The following PTK7 variants were observed in gnomAD, a reference collection of about 807,000 sequenced individuals.
The protein encoded by PTK7 is inactive tyrosine-protein kinase 7.
PTK7 carries 39 observed loss-of-function variants against 116.6 expected under a neutral mutation model. That is an observed-to-expected ratio of 0.33 (90% CI 0.26 to 0.44). The LOEUF (loss-of-function observed/expected upper bound fraction) is 0.44. Among genes scored for constraint, PTK7 ranks in the 20% least tolerant of loss-of-function variants. The pLI is 1.00. For synonymous variants in PTK7, 546 were observed against 563.6 expected (o/e 0.97, Z 0.44); for missense variants, 1,169 against 1,425.6 (o/e 0.82, Z 2.90).
intron 1 of PTK7, among the ~76,000 whole-genome samples, chr6:43,120,898 G>A (rs1484248239): frequency 2.0e-5 from 3 of 151,906 alleles, no homozygotes; most frequent in Non-Finnish European, 4.4e-5. Flanking sequence ...TTCATTCATT[G>A]CTACTTCCTA....
At chr6:43,121,431 A>G (rs1192099097) in intron 1 of PTK7, among the ~76,000 whole-genome samples, 1 of 152,194 alleles carries the variant, frequency 6.6e-6, no homozygotes, top group Non-Finnish European at 1.5e-5. Context: ...CCAGGATAGG[A>G]AAACTCAGCA....
chr6:43,131,257 A>G (rs1250162620), intron 5 of PTK7, among the ~76,000 whole-genome samples: 2 of 152,136 alleles, frequency 1.3e-5, no homozygotes, highest in Non-Finnish European at 2.9e-5. Context: ...CCCTGAGGAC[A>G]TCATCAGTAG....
rs1479182459 is a variant in PTK7 at position 43,143,573 on chromosome 6, TGCAGAA to T, written c.2209_2214del (p.Lys737_Gln738del). ...AAGAAGCGCTGCAAAGCCAAGCGGC[TGCAGAA>T]GCAGCCCGAGGGCGAGGAGCCAGAG... On this transcript the variant is annotated inframe_deletion, in exon 14 of 20. Coordinates refer to ENST00000230419, the MANE Select transcript of PTK7 (RefSeq NM_002821.5). This position sits in a 1 kb window ranked among gnomAD's most constrained non-coding sequence, Gnocchi z 4.2. 2 of 1,613,512 alleles carry T rather than the reference TGCAGAA, an allele frequency of 1.2e-6. No individual in the cohort carries two copies. Among genetic ancestry groups the T allele is most frequent in the South Asian group, 2.2e-5 (2 of 91,048 alleles).
At chr6:43,112,466 G>C (rs1768249386) in intron 1 of PTK7, among the ~76,000 whole-genome samples, 1 of 151,872 alleles carries the variant, frequency 6.6e-6, no homozygotes, top group African/African-American at 2.4e-5. Context: ...TCCTCCATCT[G>C]TCTGCCAGGG....
Position 43,144,468 on chromosome 6 carries a change from G to A in PTK7, c.2269G>A (p.Gly757Arg), listed in dbSNP as rs200622454. Residue 757 changes from glycine (G) to arginine (R), a missense_variant, in exon 15 of 20, where the codon GGG becomes AGG. Transcript: ENST00000230419. ...CTTCCCAGGTGGGCCTTTGCAGAAC[G>A]GGCAGCCCTCAGCAGAGATCCAAGA... Reference protein sequence around the residue: ...ECLNGGPLQNGQPSAEIQEEV... With the variant: ...ECLNGGPLQNRQPSAEIQEEV... 45 of 1,614,120 alleles carry A rather than the reference G, an allele frequency of 2.8e-5. No homozygotes were observed. The East Asian group carries it at 4.0e-4, about 14-fold the overall frequency.
At chr6:43,115,571 C>T (rs1055642504) in intron 1 of PTK7, among the ~76,000 whole-genome samples, 8 of 152,032 alleles carry the variant, frequency 5.3e-5, no homozygotes, top group Non-Finnish European at 1.2e-4. Flanking sequence ...CATTGTTACT[C>T]AGCATTTTCC....
rs949185313 is a variant in PTK7 at position 43,078,515 on chromosome 6, C to T, written c.79+1948C>T. On this transcript the variant is annotated intron_variant, in intron 1 of 19. Coordinates refer to ENST00000230419, the MANE Select transcript of PTK7 (RefSeq NM_002821.5). ...TCCTGGGACTCAACCCACCCCCAGA[C>T]GCATGACTTCAGGGGCAACGGTTTT... Among the ~76,000 whole-genome samples, 9 of 143,438 alleles carry T rather than the reference C, an allele frequency of 6.3e-5. 1 individual carries two copies. The highest frequency in any genetic ancestry group is 4.4e-4 in the South Asian group (2 of 4,582). 94.1% of individuals were successfully genotyped at this position (143,438 alleles called of 152,430 possible).
Position 43,129,322 on chromosome 6 carries a change from T to A in PTK7, c.367+58T>A, listed in dbSNP as rs1769511354. 5 of 1,585,938 alleles carry A rather than the reference T, an allele frequency of 3.2e-6. No homozygotes were observed. Among genetic ancestry groups the A allele is most frequent in the Non-Finnish European group, 4.3e-6 (5 of 1,159,268 alleles). On this transcript the variant is annotated intron_variant, in intron 2 of 19. Transcript: ENST00000230419. The surrounding 1 kb of genome is among the most constrained non-coding windows in gnomAD (Gnocchi z 4.5). ...TGTCAGACCCTCAATGACTGAGGCC[T>A]GGGGGATCCCTCCCTTACCTCAGCT...
At chr6:43,094,501 G>A (rs1293111595) in intron 1 of PTK7, among the ~76,000 whole-genome samples, 2 of 149,610 alleles carry the variant, frequency 1.3e-5, no homozygotes, top group African/African-American at 4.9e-5. Flanking sequence ...AGTCCGTCTC[G>A]TCGCCCAGGC....
intron 1 of PTK7, among the ~76,000 whole-genome samples, chr6:43,080,952 A>AT (rs1554145658): frequency 8.3e-6 from 1 of 119,874 alleles, no homozygotes; most frequent in African/African-American, 3.7e-5. Flanking sequence ...AAAAAAAAAA[A>AT]ATACACACAC....
At chr6:43,157,364 A>ATTTTTTTTTTT (rs1293389236) in intron 17 of PTK7, among the ~76,000 whole-genome samples, 1 of 54,362 alleles carries the variant, frequency 1.8e-5, no homozygotes, top group Non-Finnish European at 3.3e-5. Flanking sequence ...ATATATATAT[A>ATTTTTTTTTTT]TTTTTTTTTT....
intron 1 of PTK7, among the ~76,000 whole-genome samples, chr6:43,118,653 CTCTCTCTATATA>C (rs1226562139): frequency 5.4e-3 from 426 of 79,322 alleles, no homozygotes; most frequent in Middle Eastern, 0.012. Context: ...CTCTCTCTCT[CTCTCTCTATATA>C]TATATATATA....
At chr6:43,154,382 C>T (rs577061173) in intron 17 of PTK7, among the ~76,000 whole-genome samples, 2 of 152,086 alleles carry the variant, frequency 1.3e-5, no homozygotes, top group African/African-American at 4.8e-5. Flanking sequence ...GGGATAGTGC[C>T]TACTGTATAG....
At chr6:43,140,815 TAAAAA>T (rs1770355107) in intron 10 of PTK7, among the ~76,000 whole-genome samples, 3 of 152,144 alleles carry the variant, frequency 2.0e-5, no homozygotes, top group South Asian at 4.1e-4. Flanking sequence ...ATGTAGTTTT[TAAAAA>T]TATTTTTTAA....
At chr6:43,157,377 T>TATA (rs1771559501) in intron 17 of PTK7, among the ~76,000 whole-genome samples, 1 of 69,754 alleles carries the variant, frequency 1.4e-5, no homozygotes, top group Non-Finnish European at 2.7e-5. Flanking sequence ...TTTTTTTTTC[T>TATA]TTTTTTTTTT....
rs746389974 is a variant in PTK7 at position 43,138,984 on chromosome 6, TGAGAAAGAA to T, written c.1362+6_1362+14del. 3 of 1,612,588 alleles carry T rather than the reference TGAGAAAGAA, an allele frequency of 1.9e-6. No individual in the cohort carries two copies. The African/African-American group carries it at 4.0e-5, about 22-fold the overall frequency. Reference sequence around the variant, plus strand: ...AGAAACCAGATGCTCATCTCAGAGGTGAGAAAGAAGAGTGTTGCTAGTGGATGGGCGGGG... The same window carrying T: ...AGAAACCAGATGCTCATCTCAGAGGTGAGTGTTGCTAGTGGATGGGCGGGG... On this transcript the variant is annotated splice_donor_5th_base_variant and intron_variant, in intron 8 of 19. Coordinates refer to ENST00000230419, the MANE Select transcript of PTK7 (RefSeq NM_002821.5).
At chr6:43,088,361 T>G (rs1222251236) in intron 1 of PTK7, among the ~76,000 whole-genome samples, 1 of 152,006 alleles carries the variant, frequency 6.6e-6, no homozygotes, top group Non-Finnish European at 1.5e-5. Flanking sequence ...GTGCCTTCAC[T>G]TAGAGTCCTT....
At position 43,146,930 on chromosome 6, in the gene PTK7, T is replaced by C. The variant is rs184398101; in HGVS notation, c.2721+232T>C. On this transcript the variant is annotated intron_variant, in intron 17 of 19. Coordinates refer to ENST00000230419, the MANE Select transcript of PTK7 (RefSeq NM_002821.5). ...CTGACCTGTCCCAGGTCATGTAGCC[T>C]GGAAGTGGCTTTGCATTGCCATGCT... 2.8e-3 allele frequency among the ~76,000 whole-genome samples: 430 copies of C among 152,398 alleles called. 2 individuals carry two copies. The highest frequency in any genetic ancestry group is 9.8e-3 in the African/African-American group (409 of 41,602).
intron 1 of PTK7, among the ~76,000 whole-genome samples, chr6:43,093,674 CCATTGT>C (rs952279074): frequency 2.0e-5 from 3 of 152,050 alleles, no homozygotes; most frequent in Non-Finnish European, 4.4e-5. Context: ...TTGCTGAATG[CCATTGT>C]CACTGGTAAA....
Sources: gnomAD v4.1 joint callset for allele counts (sites outside exome capture counted in the v4.1 genomes callset) on GRCh38, gnomAD v4.1.1 for gene constraint, Gnocchi (gnomAD v3.1) non-coding constraint, MANE v1.5 for transcripts, NCBI Gene and HGNC (gene_info 2026-07-23, HGNC 2026-07-21) for gene names.